The following MAN1A2 variants were observed in gnomAD, a reference collection of about 807,000 sequenced individuals.
The protein encoded by MAN1A2 is mannosyl-oligosaccharide 1,2-alpha-mannosidase IB.
MAN1A2 carries 26 observed loss-of-function variants against 75.7 expected under a neutral mutation model. That is an observed-to-expected ratio of 0.34 (90% confidence interval 0.25 to 0.48). MAN1A2 has a LOEUF of 0.48. Ranked by LOEUF, MAN1A2 falls within the 20% of genes least tolerant of loss-of-function variation. The pLI is 0.99. For synonymous variants in MAN1A2, 247 were observed against 264.6 expected (o/e 0.93, Z 0.65); for missense variants, 562 against 775.5 (o/e 0.72, Z 3.27).
At chr1:117,374,419 G>A (rs1653076488) in intron 1 of MAN1A2, among the ~76,000 whole-genome samples, 1 of 152,050 alleles carries the variant, frequency 6.6e-6, no homozygotes, top group South Asian at 2.1e-4. Context: ...CACTGCTATT[G>A]AATTTTTGCT....
chr1:117,513,757 T>C (rs1651620747), intron 12 of MAN1A2, among the ~76,000 whole-genome samples: 1 of 152,158 alleles, frequency 6.6e-6, no homozygotes, highest in Non-Finnish European at 1.5e-5. Flanking sequence ...CTCTCAAAAC[T>C]CAGGTAAATA....
At chr1:117,447,365 A>G (rs555585870) in intron 6 of MAN1A2, among the ~76,000 whole-genome samples, 9 of 152,266 alleles carry the variant, frequency 5.9e-5, no homozygotes, top group Non-Finnish European at 1.2e-4. Flanking sequence ...TTAGTGAACT[A>G]TTAGATTATT....
At chr1:117,428,612 A>G (rs1424367099) in intron 5 of MAN1A2, among the ~76,000 whole-genome samples, 3 of 152,134 alleles carry the variant, frequency 2.0e-5, no homozygotes, top group African/African-American at 7.2e-5. Flanking sequence ...AAGCAAGACC[A>G]AACTATTCAC....
At chr1:117,426,815 A>G (rs960051815) in intron 5 of MAN1A2, among the ~76,000 whole-genome samples, 1 of 152,156 alleles carries the variant, frequency 6.6e-6, no homozygotes, top group Non-Finnish European at 1.5e-5. Flanking sequence ...TTTTCTTATC[A>G]ATACTTTAAA....
chr1:117,414,438 GTTTTC>G (rs919104717), intron 3 of MAN1A2, among the ~76,000 whole-genome samples: 7 of 150,728 alleles, frequency 4.6e-5, no homozygotes, highest in Non-Finnish European at 1.0e-4. Context: ...TATGCTTTTA[GTTTTC>G]TTTTATCTTC....
intron 1 of MAN1A2, among the ~76,000 whole-genome samples, chr1:117,397,934 G>T (rs1201890755): frequency 6.6e-6 from 1 of 152,102 alleles, no homozygotes; most frequent in Non-Finnish European, 1.5e-5. Context: ...TTACAGGTGT[G>T]AGCCACCACA....
At chr1:117,512,468 C>T (rs930835477) in intron 12 of MAN1A2, among the ~76,000 whole-genome samples, 6 of 151,924 alleles carry the variant, frequency 3.9e-5, no homozygotes, top group African/African-American at 9.7e-5. Flanking sequence ...AACAAGTTCC[C>T]AGGTGATGCT....
chr1:117,518,647 C>T (rs1340715314), intron 12 of MAN1A2, among the ~76,000 whole-genome samples: 2 of 151,962 alleles, frequency 1.3e-5, no homozygotes, highest in African/African-American at 2.4e-5. Flanking sequence ...CAGTCCTAAA[C>T]ATATATGCAC....
At chr1:117,376,980 A>T (rs1354613572) in intron 1 of MAN1A2, among the ~76,000 whole-genome samples, 1 of 152,180 alleles carries the variant, frequency 6.6e-6, no homozygotes, top group Non-Finnish European at 1.5e-5. Flanking sequence ...TAAGAGACTT[A>T]AGCATTTGTG....
At chr1:117,400,724 G>T (rs1647395758) in intron 1 of MAN1A2, among the ~76,000 whole-genome samples, 1 of 152,080 alleles carries the variant, frequency 6.6e-6, no homozygotes, top group African/African-American at 2.4e-5. Flanking sequence ...TCTGTAGTGT[G>T]GATATACCAC....
At chr1:117,428,111 C>G (rs199883150) in intron 5 of MAN1A2, among the ~76,000 whole-genome samples, 5 of 130,292 alleles carry the variant, frequency 3.8e-5, no homozygotes, top group Admixed American at 3.7e-4. Context: ...CTCTCTCTCT[C>G]TATTTTTTTT....
intron 8 of MAN1A2, among the ~76,000 whole-genome samples, chr1:117,486,469 G>A (rs1313574666): frequency 1.3e-5 from 2 of 151,894 alleles, no homozygotes; most frequent in African/African-American, 4.8e-5. Context: ...GATCCCACAG[G>A]AGACAGACAA....
Position 117,478,602 on chromosome 1 carries a change from A to G in MAN1A2, c.1168+12175A>G, listed in dbSNP as rs556402593. Among the ~76,000 whole-genome samples, 359 of 152,054 alleles carry G rather than the reference A, an allele frequency of 2.4e-3. 5 individuals carry two copies. Among genetic ancestry groups the G allele is most frequent in the African/African-American group, 8.1e-3 (338 of 41,538 alleles). On this transcript the variant is annotated intron_variant, in intron 8 of 12. Transcript: ENST00000356554. ...AGACATTTTGAGTTGATTTTTCTAT[A>G]GGGATCAAAGTTTATTTTTTTTACA...
intron 12 of MAN1A2, chr1:117,514,974 A>C (rs560131580): frequency 2.0e-6 from 1 of 498,482 alleles, no homozygotes; most frequent in Non-Finnish European, 4.1e-6. Flanking sequence ...ATATGTACTT[A>C]TAAGTACCTG....
intron 12 of MAN1A2, among the ~76,000 whole-genome samples, chr1:117,512,948 T>A (rs1261279973): frequency 6.6e-6 from 1 of 152,140 alleles, no homozygotes; most frequent in Non-Finnish European, 1.5e-5. Context: ...AGGCTATTCT[T>A]CTCCATCCTT....
intron 12 of MAN1A2, among the ~76,000 whole-genome samples, chr1:117,505,120 G>A (rs563007030): frequency 1.5e-4 from 22 of 151,414 alleles, no homozygotes; most frequent in East Asian, 9.7e-4. Context: ...AAATATTTAC[G>A]TATATATAAA....
intron 12 of MAN1A2, among the ~76,000 whole-genome samples, chr1:117,518,598 A>C (rs565944654): frequency 6.6e-6 from 1 of 152,244 alleles, no homozygotes; most frequent in South Asian, 2.1e-4. Flanking sequence ...GAGGGACATT[A>C]TATAATGATA....
Position 117,496,884 on chromosome 1 carries a change from C to T in MAN1A2, c.1406C>T (p.Ala469Val). 1 of 1,612,578 alleles carries T rather than the reference C, an allele frequency of 6.2e-7. No individual in the cohort carries two copies. The highest frequency in any genetic ancestry group is 8.5e-7 in the Non-Finnish European group (1 of 1,179,214). ...HLACFAGGMF[A>V]LGADGSRADK... ...GCCTGCTTTGCTGGGGGAATGTTTG[C>T]ACTAGGAGCAGATGGTTCCAGAGCA... Residue 469 changes from alanine to valine, a missense_variant, in exon 10 of 13, where the codon GCA becomes GTA. This residue lies in a region of MAN1A2 where 434 missense variants were observed against 645.7 expected (regional missense o/e 0.67). Coordinates refer to ENST00000356554, the MANE Select transcript of MAN1A2 (RefSeq NM_006699.5).
chr1:117,419,295 G>A (rs981963458), intron 4 of MAN1A2, among the ~76,000 whole-genome samples: 56 of 152,146 alleles, frequency 3.7e-4, no homozygotes, highest in African/African-American at 1.3e-3. Context: ...AGGAGGGTAA[G>A]TATTAAAGCA....
Sources: allele counts gnomAD v4.1 joint callset (sites outside exome capture counted in the v4.1 genomes callset), GRCh38; gene constraint gnomAD v4.1.1; regional missense constraint gnomAD v4.1.1; transcripts MANE v1.5; gene names NCBI Gene and HGNC (gene_info 2026-07-23, HGNC 2026-07-21).